The following CDKN2B-AS1 variants were observed in gnomAD, a reference collection of about 807,000 sequenced individuals.
CDKN2B-AS1 encodes the protein CDKN2B and CDKN2A antisense cis and trans regulatory RNA 1.
Position 21,997,730 on chromosome 9 carries a change from C to T in CDKN2B-AS1, n.29+2569C>T, listed in dbSNP as rs1820751254. On this transcript the variant is annotated intron_variant and non_coding_transcript_variant, in intron 1 of 4. Coordinates refer to ENST00000650946, the Ensembl canonical transcript of CDKN2B-AS1. This position sits in a 1 kb window ranked among gnomAD's most constrained non-coding sequence, Gnocchi z 4.8. ...TTGAGGATAATCTGCTTTTTCAAGT[C>T]TACTGACTTAAATGTTAATCATATC... 6.6e-6 allele frequency among the ~76,000 whole-genome samples: 1 copy of T among 151,956 alleles called. No homozygotes were observed.
At position 22,084,074 on chromosome 9, in the gene CDKN2B-AS1, A is replaced by G. The variant is rs76014659; in HGVS notation, n.438+27687A>G. ...TTAAGATTCATGCATTGTTGTAAGT[A>G]GTTACTTGCACCATTTCATTGGATT... On this transcript the variant is annotated intron_variant and non_coding_transcript_variant, in intron 4 of 4. Coordinates refer to ENST00000650946, the Ensembl canonical transcript of CDKN2B-AS1. Among the ~76,000 whole-genome samples, 42 of 152,344 alleles carry G rather than the reference A, an allele frequency of 2.8e-4. No individual in the cohort carries two copies. The East Asian group carries it at 7.7e-3, about 28-fold the overall frequency.
At chr9:22,096,752 A>G (rs746898541) in intron 4 of CDKN2B-AS1, among the ~76,000 whole-genome samples, 2 of 152,112 alleles carry the variant, frequency 1.3e-5, no homozygotes, top group Admixed American at 6.5e-5. Flanking sequence ...AAAATGCCCT[A>G]TGTTATTTCA....
At chr9:22,042,268 A>G (rs1822927457) in intron 1 of CDKN2B-AS1, among the ~76,000 whole-genome samples, 1 of 152,092 alleles carries the variant, frequency 6.6e-6, no homozygotes, top group Non-Finnish European at 1.5e-5. Flanking sequence ...AATTCAACAA[A>G]TATTTACCAA....
intron 4 of CDKN2B-AS1, among the ~76,000 whole-genome samples, chr9:22,102,924 T>C (rs1825533771): frequency 6.6e-6 from 1 of 152,096 alleles, no homozygotes; most frequent in African/African-American, 2.4e-5. Context: ...TTCATGAGAT[T>C]ATAGACTATT....
chr9:22,008,862 C>A, intron 1 of CDKN2B-AS1: 1 of 1,611,676 alleles, frequency 6.2e-7, no homozygotes, highest in Non-Finnish European at 8.5e-7. Flanking sequence ...CAGGAGCTGT[C>A]GCACCTTCTC....
chr9:22,041,836 A>G (rs1822909272), intron 1 of CDKN2B-AS1, among the ~76,000 whole-genome samples: 1 of 152,064 alleles, frequency 6.6e-6, no homozygotes, highest in Admixed American at 6.6e-5. Context: ...AATCACCAGA[A>G]GCAATAGGGA....
chr9:22,046,026 T>C (rs1190984845), intron 1 of CDKN2B-AS1, among the ~76,000 whole-genome samples: 6 of 152,064 alleles, frequency 3.9e-5, no homozygotes. Flanking sequence ...AGAAGAAAAT[T>C]TGGGACAACC....
At chr9:22,027,117 C>G (rs533830398) in intron 1 of CDKN2B-AS1, among the ~76,000 whole-genome samples, 1 of 151,432 alleles carries the variant, frequency 6.6e-6, no homozygotes, top group East Asian at 1.9e-4. Flanking sequence ...CTGTGAGAGT[C>G]ACACACATTA....
chr9:22,124,996 T>A (rs1340844085), intron 4 of CDKN2B-AS1, among the ~76,000 whole-genome samples: 1 of 152,264 alleles, frequency 6.6e-6, no homozygotes, highest in Non-Finnish European at 1.5e-5. Context: ...TATTCAGACC[T>A]AGTTTCTCTC....
At chr9:22,025,774 G>T (rs1436630816) in intron 1 of CDKN2B-AS1, among the ~76,000 whole-genome samples, 1 of 152,154 alleles carries the variant, frequency 6.6e-6, no homozygotes, top group Non-Finnish European at 1.5e-5. Flanking sequence ...GAAGACGCTA[G>T]TTGGGAGACC....
chr9:22,067,911 C>T (rs75883022), intron 4 of CDKN2B-AS1, among the ~76,000 whole-genome samples: 2,281 of 152,266 alleles, frequency 0.015, 30 homozygotes, highest in Middle Eastern at 0.034. Flanking sequence ...TTAAGATTGT[C>T]TTTCTCTCAT....
intron 4 of CDKN2B-AS1, among the ~76,000 whole-genome samples, chr9:22,063,261 A>G (rs1823899390): frequency 6.6e-6 from 1 of 152,108 alleles, no homozygotes; most frequent in Non-Finnish European, 1.5e-5. Flanking sequence ...GTCCTCATAG[A>G]GGGGATGGAG....
At chr9:22,029,129 C>T (rs1230363475) in intron 1 of CDKN2B-AS1, among the ~76,000 whole-genome samples, 1 of 151,860 alleles carries the variant, frequency 6.6e-6, no homozygotes, top group Non-Finnish European at 1.5e-5. Context: ...ATACACAGAA[C>T]GAATCTTAGA....
chr9:22,009,214 T>C (rs989126575), intron 1 of CDKN2B-AS1: 4 of 593,990 alleles, frequency 6.7e-6, no homozygotes, highest in Non-Finnish European at 1.2e-5. Context: ...AAAAAGCGCC[T>C]AGCGCGGACG....
At chr9:22,115,349 G>A (rs1490665520) in intron 4 of CDKN2B-AS1, among the ~76,000 whole-genome samples, 1 of 152,080 alleles carries the variant, frequency 6.6e-6, no homozygotes, top group Non-Finnish European at 1.5e-5. Context: ...TAACACTTAT[G>A]CCAGGACGCA....
intron 1 of CDKN2B-AS1, among the ~76,000 whole-genome samples, chr9:22,031,350 C>G (rs1822461253): frequency 1.3e-5 from 2 of 152,220 alleles, no homozygotes; most frequent in South Asian, 2.1e-4. Flanking sequence ...CTTTGGAAAA[C>G]ACTAACATAC....
chr9:22,065,218 A>G (rs374041477), intron 4 of CDKN2B-AS1, among the ~76,000 whole-genome samples: 4 of 152,070 alleles, frequency 2.6e-5, no homozygotes, highest in East Asian at 1.9e-4. Flanking sequence ...GTGTTTTTCT[A>G]TTACAAAGCC....
intron 2 of CDKN2B-AS1, among the ~76,000 whole-genome samples, chr9:22,047,962 A>T (rs1342933019): frequency 2.2e-4 from 32 of 145,720 alleles, no homozygotes; most frequent in Non-Finnish European, 3.6e-4. Flanking sequence ...TAATTTTTGT[A>T]TTTTTTTTTT....
chr9:22,074,360 A>C (rs188478583), intron 4 of CDKN2B-AS1, among the ~76,000 whole-genome samples: 7 of 152,138 alleles, frequency 4.6e-5, no homozygotes, highest in Admixed American at 4.6e-4. Context: ...GTCAAGCCCA[A>C]TTTATTTTAT....
Sources: gnomAD v4.1 joint callset for allele counts (sites outside exome capture counted in the v4.1 genomes callset) on GRCh38, gnomAD v4.1.1 for gene constraint, Gnocchi (gnomAD v3.1) non-coding constraint, MANE v1.5 for transcripts, NCBI Gene and HGNC (gene_info 2026-07-23, HGNC 2026-07-21) for gene names.